The following CSMD1 variants were observed in gnomAD, a reference collection of about 807,000 sequenced individuals.
CSMD1 encodes CUB and sushi domain-containing protein 1.
CSMD1 carries 213 observed loss-of-function variants against 417.5 expected under a neutral mutation model. The ratio of observed to expected loss-of-function variants is 0.51; its 90% CI spans 0.46 to 0.57. The LOEUF is 0.57. Ranked by LOEUF, CSMD1 falls within the 20% of genes least tolerant of loss-of-function variation. CSMD1 has a pLI of 0.00. For synonymous variants in CSMD1, 2,862 were observed against 1,736.8 expected (o/e 1.65, Z -16.11); for missense variants, 6,923 against 4,529.7 (o/e 1.53, Z -15.17).
intron 5 of CSMD1, among the ~76,000 whole-genome samples, chr8:3,820,679 T>C (rs1801684141): frequency 6.6e-6 from 1 of 152,166 alleles, no homozygotes; most frequent in African/African-American, 2.4e-5. Context: ...AGGTTTGAGC[T>C]ATTCTCTTGC....
intron 4 of CSMD1, among the ~76,000 whole-genome samples, chr8:4,021,862 G>C (rs1484162558): frequency 6.6e-6 from 1 of 151,974 alleles, no homozygotes; most frequent in Non-Finnish European, 1.5e-5. Flanking sequence ...CAATGAAATA[G>C]TGCCATCCCC....
At chr8:3,181,988 G>C (rs907884286) in intron 36 of CSMD1, among the ~76,000 whole-genome samples, 1 of 152,066 alleles carries the variant, frequency 6.6e-6, no homozygotes, top group African/African-American at 2.4e-5. Context: ...CTTTTTTCCT[G>C]ATGTATGTTC....
At chr8:4,306,544 C>T (rs1002750811) in intron 3 of CSMD1, among the ~76,000 whole-genome samples, 11 of 152,240 alleles carry the variant, frequency 7.2e-5, no homozygotes, top group South Asian at 4.1e-4. Context: ...ACAAAATTTT[C>T]TTCCTTATGC....
At chr8:4,912,032 GA>G (rs1475725287) in intron 1 of CSMD1, among the ~76,000 whole-genome samples, 1 of 128,828 alleles carries the variant, frequency 7.8e-6, no homozygotes, top group Non-Finnish European at 1.6e-5. Flanking sequence ...TTTATTAAAG[GA>G]AAAAAAGAAG....
rs570398285 is a variant in CSMD1 at position 4,457,852 on chromosome 8, C to A, written c.303-37787G>T. On this transcript the variant is annotated intron_variant, in intron 2 of 69. Coordinates refer to ENST00000635120, the MANE Select transcript of CSMD1 (RefSeq NM_033225.6). ...GACAGCTTTGCAGTGACTTCCGAGG[C>A]TTGGCACCTCCCCTGGGACAGCTTG... is the stretch of plus-strand genomic sequence containing the variant. Among the ~76,000 whole-genome samples, 4 of 152,218 alleles carry A rather than the reference C, an allele frequency of 2.6e-5. No homozygotes were observed. In the South Asian group the frequency reaches 8.3e-4, roughly 32 times the overall value.
At chr8:3,221,204 T>C (rs28576422) in intron 28 of CSMD1, among the ~76,000 whole-genome samples, 40,843 of 151,898 alleles carry the variant, frequency 0.27, 5,623 homozygotes, top group East Asian at 0.31. Flanking sequence ...GCCTGCATTA[T>C]GCCAACCTGT....
chr8:3,520,685 C>T (rs912991305), intron 10 of CSMD1, among the ~76,000 whole-genome samples: 1 of 151,956 alleles, frequency 6.6e-6, no homozygotes, highest in Non-Finnish European at 1.5e-5. Context: ...TTCTTTAAGT[C>T]TGTTTTTCTA....
At chr8:3,095,236 T>C (rs1815215172) in intron 47 of CSMD1, among the ~76,000 whole-genome samples, 1 of 152,304 alleles carries the variant, frequency 6.6e-6, no homozygotes, top group East Asian at 1.9e-4. Context: ...TGTCTATATA[T>C]ACACAAACAC....
intron 1 of CSMD1, among the ~76,000 whole-genome samples, chr8:4,744,191 A>C (rs1362902030): frequency 6.6e-6 from 1 of 151,834 alleles, no homozygotes. Flanking sequence ...AAACACAGGG[A>C]CTGACTGACG....
intron 10 of CSMD1, among the ~76,000 whole-genome samples, chr8:3,547,050 G>T (rs532878112): frequency 2.0e-5 from 3 of 152,166 alleles, no homozygotes; most frequent in Admixed American, 6.5e-5. Context: ...CTCTGAATCT[G>T]CTGTTTAGCT....
intron 3 of CSMD1, among the ~76,000 whole-genome samples, chr8:4,227,575 A>G (rs1280621755): frequency 3.3e-5 from 5 of 151,958 alleles, no homozygotes; most frequent in African/African-American, 4.8e-5. Context: ...TTCAGAAGAG[A>G]AGTCCCACAG....
chr8:3,330,113 G>A (rs1806795791), intron 23 of CSMD1, among the ~76,000 whole-genome samples: 1 of 152,238 alleles, frequency 6.6e-6, no homozygotes, highest in Middle Eastern at 3.4e-3. Flanking sequence ...AGGGTAGTGG[G>A]TAGAGAGCCC....
At chr8:3,308,613 A>G (rs1805078207) in intron 23 of CSMD1, 110 bp from the exon 24 acceptor site, 2 of 771,846 alleles carry the variant, frequency 2.6e-6, no homozygotes, top group African/African-American at 3.5e-5. Context: ...GTAGGGAGAA[A>G]AAAGGAGATT....
chr8:4,459,652 T>C (rs1022364898), intron 2 of CSMD1, among the ~76,000 whole-genome samples: 7 of 152,132 alleles, frequency 4.6e-5, no homozygotes, highest in African/African-American at 1.7e-4. Flanking sequence ...AAGCCTGGCC[T>C]CAAAAATATC....
intron 3 of CSMD1, among the ~76,000 whole-genome samples, chr8:4,078,202 T>C (rs1354714404): frequency 6.6e-6 from 1 of 152,226 alleles, no homozygotes; most frequent in Non-Finnish European, 1.5e-5. Context: ...GCTGCATTTC[T>C]ACATCATTTT....
intron 1 of CSMD1, among the ~76,000 whole-genome samples, chr8:4,931,775 G>C (rs1459229920): frequency 6.6e-6 from 1 of 152,180 alleles, no homozygotes; most frequent in Non-Finnish European, 1.5e-5. Context: ...ACCACAGAAA[G>C]GGTGGTGAGG....
intron 5 of CSMD1, among the ~76,000 whole-genome samples, chr8:3,902,061 G>C (rs576482047): frequency 7.9e-5 from 12 of 152,176 alleles, no homozygotes; most frequent in South Asian, 4.2e-4. Context: ...GATTTGTACA[G>C]ATTGTTGCCA....
intron 1 of CSMD1, among the ~76,000 whole-genome samples, chr8:4,990,522 C>T (rs757614509): frequency 7.9e-5 from 12 of 152,126 alleles, no homozygotes; most frequent in Non-Finnish European, 1.5e-4. Flanking sequence ...CGCCACCACG[C>T]CCAGCTAATT....
chr8:2,984,363 C>T (rs1267050217), intron 54 of CSMD1, among the ~76,000 whole-genome samples: 1 of 151,794 alleles, frequency 6.6e-6, no homozygotes, highest in East Asian at 1.9e-4. Context: ...TTCTTTTTTC[C>T]CCCGAGACCA....
Sources: allele counts gnomAD v4.1 joint callset (sites outside exome capture counted in the v4.1 genomes callset), GRCh38; gene constraint gnomAD v4.1.1; transcripts MANE v1.5; gene names NCBI Gene and HGNC (gene_info 2026-07-23, HGNC 2026-07-21).